Variants in NNT observed in about 807,000 individuals in gnomAD.
NNT encodes nicotinamide nucleotide transhydrogenase.
In NNT, 50 loss-of-function variants were observed where a neutral mutation model predicts 104.8. The ratio of observed to expected loss-of-function variants is 0.48; its 90% CI spans 0.38 to 0.60. The LOEUF (loss-of-function observed/expected upper bound fraction) is 0.60, where lower values mean the gene tolerates loss of function less well. Among genes scored for constraint, NNT ranks in the 20% least tolerant of loss-of-function variants. The pLI, the probability that NNT is intolerant of heterozygous loss-of-function variation, is 0.00. For synonymous variants in NNT, 461 were observed against 490.4 expected, an observed-to-expected ratio of 0.94 and a Z score of 0.79; for missense variants, 1,131 against 1,330.7, an observed-to-expected ratio of 0.85 and a Z score of 2.33.
At chr5:43,620,457 T>C (rs570762676) in intron 5 of NNT, among the ~76,000 whole-genome samples, 1 of 152,136 alleles carries the variant, frequency 6.6e-6, no homozygotes, top group South Asian at 2.1e-4. Flanking sequence ...CTTGACCTTG[T>C]GATCCGCCCG....
intron 19 of NNT, among the ~76,000 whole-genome samples, chr5:43,690,078 T>G (rs760394757): frequency 6.6e-6 from 1 of 151,908 alleles, no homozygotes; most frequent in African/African-American, 2.4e-5. Flanking sequence ...AATCTAGAAA[T>G]TTGGAAAACA....
At position 43,680,593 on chromosome 5, in the gene NNT, C is replaced by T. The variant is rs1174659172; in HGVS notation, c.2876+2787C>T. On this transcript the variant is annotated intron_variant, in intron 19 of 21. Coordinates refer to ENST00000344920, the MANE Select transcript of NNT (RefSeq NM_182977.3). ...CAAGTGGTGCCAAGAAAAATCGCAT[C>T]TGTCATACAGTCTGTCTGGCTTCAT... Among the ~76,000 whole-genome samples, 3 of 152,200 alleles carry T rather than the reference C, an allele frequency of 2.0e-5. No individual in the cohort carries two copies. In the East Asian group the frequency reaches 5.8e-4, roughly 29 times the overall value.
chr5:43,645,242 A>G, intron 9 of NNT, 115 bp from the exon 10 acceptor site: 1 of 502,834 alleles, frequency 2.0e-6, no homozygotes, highest in African/African-American at 2.0e-5. Context: ...GAATTTATAT[A>G]TTTACATAAA....
At chr5:43,634,322 G>A (rs1750826869) in intron 7 of NNT, among the ~76,000 whole-genome samples, 1 of 152,148 alleles carries the variant, frequency 6.6e-6, no homozygotes, top group Non-Finnish European at 1.5e-5. Flanking sequence ...ACTTTCCATA[G>A]TAATTGTTGA....
intron 3 of NNT, chr5:43,613,622 C>A (rs1749621576): frequency 6.5e-6 from 1 of 152,816 alleles, no homozygotes; most frequent in Non-Finnish European, 1.5e-5. Context: ...TGGCGAGTAG[C>A]TTTACCTACT....
intron 19 of NNT, among the ~76,000 whole-genome samples, chr5:43,688,907 C>G (rs1742119600): frequency 1.3e-5 from 2 of 152,286 alleles, no homozygotes; most frequent in South Asian, 4.1e-4. Context: ...GGGTAGATAC[C>G]TAGCAGTGGG....
In NNT at chr5:43,705,495, T is replaced by C. The variant is rs932572547; in HGVS notation, c.*1091T>C. ...TAAAGATCATGTCTTTTTATAGAAG[T>C]GTAGATTTTCTTTGTGACTTTGCTA... On this transcript the variant is annotated 3_prime_UTR_variant, in exon 22 of 22. Coordinates refer to ENST00000344920, the MANE Select transcript of NNT (RefSeq NM_182977.3). The C allele has an allele frequency of 2.0e-5, 3 of 152,030 alleles. No individual in the cohort carries two copies. Among genetic ancestry groups the C allele is most frequent in the South Asian group, 2.1e-4 (1 of 4,828 alleles). 9.4% of individuals were successfully genotyped at this position (152,030 alleles called of 1,614,324 possible).
rs113387674 is a variant in NNT at position 43,606,801 on chromosome 5, C to G, written c.-53-2342C>G. 4.8e-3 allele frequency among the ~76,000 whole-genome samples: 731 copies of G among 152,218 alleles called. 5 individuals carry two copies. Among genetic ancestry groups the G allele is most frequent in the African/African-American group, 0.016 (657 of 41,516 alleles). ...TTGACTTCTTATCTCCAGGAAAATT[C>G]CAGTTTGATTCTACAAGTGCTTCTT... On this transcript the variant is annotated intron_variant, in intron 1 of 21. Transcript: ENST00000344920.
chr5:43,706,972 G>A lies in NNT; in HGVS notation c.*2568G>A, dbSNP rs1743110099. 1 of 152,292 alleles carries A rather than the reference G, an allele frequency of 6.6e-6. No individual in the cohort carries two copies. The highest frequency in any genetic ancestry group is 1.5e-5 in the Non-Finnish European group (1 of 68,134). The allele number at this position is 152,292 out of a possible 1,614,324, so 9.4% of individuals were successfully genotyped here. On this transcript the variant is annotated 3_prime_UTR_variant, in exon 22 of 22. Coordinates refer to ENST00000344920, the MANE Select transcript of NNT (RefSeq NM_182977.3). ...ACACCACACACCAGGGCCTGTCATG[G>A]GGTGGGGGGAGTGGGGAGGGATAGC... is the stretch of plus-strand genomic sequence containing the variant.
intron 7 of NNT, among the ~76,000 whole-genome samples, chr5:43,642,113 ATG>A (rs764156299): frequency 5.4e-4 from 83 of 152,338 alleles, no homozygotes; most frequent in Non-Finnish European, 7.2e-4. Flanking sequence ...CAAATCAAAT[ATG>A]TGCAATCATT....
chr5:43,693,126 C>T (rs149371069), intron 19 of NNT, among the ~76,000 whole-genome samples: 14 of 151,846 alleles, frequency 9.2e-5, no homozygotes, highest in African/African-American at 3.1e-4. Context: ...CTATCTCCAC[C>T]GTAGAAGACA....
At chr5:43,683,296 G>A (rs529425685) in intron 19 of NNT, among the ~76,000 whole-genome samples, 8 of 152,318 alleles carry the variant, frequency 5.3e-5, no homozygotes, top group Admixed American at 3.9e-4. Flanking sequence ...CAGATCAAAG[G>A]TGTCTGTTAT....
chr5:43,602,756 A>G (rs1748990704), upstream of NNT: 3 of 152,252 alleles, frequency 2.0e-5, no homozygotes, highest in African/African-American at 7.2e-5. Flanking sequence ...AAAGGCAGGT[A>G]CCCGGAGTGG....
At chr5:43,687,782 A>G (rs992442152) in intron 19 of NNT, among the ~76,000 whole-genome samples, 1 of 152,168 alleles carries the variant, frequency 6.6e-6, no homozygotes, top group Admixed American at 6.5e-5. Context: ...CAACAAAAAC[A>G]TTGTCTTTAT....
In NNT at chr5:43,651,815, C is replaced by T; in HGVS notation, c.1794C>T (p.Tyr598=). The T allele has an allele frequency of 6.2e-7, 1 of 1,614,122 alleles. No individual in the cohort carries two copies. The highest frequency in any genetic ancestry group is 8.5e-7 in the Non-Finnish European group (1 of 1,180,024). ...PTDPPEYNYL[Y]LLPAGTFVGG... ...ACCCCCCAGAATACAACTACCTGTA[C>T]CTGCTCCCTGCCGGCACCTTTGTTG... The change falls in exon 13 of 22, where the codon TAC becomes TAT. Residue 598 remains tyrosine, a synonymous_variant. Transcript: ENST00000344920.
chr5:43,628,295 A>G lies in NNT; in HGVS notation c.872A>G (p.Glu291Gly), dbSNP rs770709184. 3.1e-6 allele frequency: 5 copies of G among 1,613,950 alleles called. No homozygotes were observed. The highest frequency in any genetic ancestry group is 2.5e-6 in the Non-Finnish European group (3 of 1,179,974). The change falls in exon 7 of 22, where the codon GAG becomes GGG. Residue 291 changes from glutamate (E) to glycine (G), a missense_variant. Physicochemically the swap from Glu to Gly is moderately conservative, Grantham distance 98. Coordinates refer to ENST00000344920, the MANE Select transcript of NNT (RefSeq NM_182977.3). Reference protein sequence around the residue: ...SGEGQGGYAKEMSKEFIEAEM... With the variant: ...SGEGQGGYAKGMSKEFIEAEM... ...GAGGGACAAGGAGGATATGCAAAAG[A>G]GATGTCCAAAGAGTTCATTGAAGCT...
At chr5:43,664,685 C>T (rs754805568) in intron 17 of NNT, among the ~76,000 whole-genome samples, 8 of 151,978 alleles carry the variant, frequency 5.3e-5, no homozygotes, top group Non-Finnish European at 8.8e-5. Context: ...ACTGTTCAAT[C>T]TCTGGAACAG....
At chr5:43,670,279 C>T (rs974428457) in intron 17 of NNT, among the ~76,000 whole-genome samples, 4 of 152,050 alleles carry the variant, frequency 2.6e-5, no homozygotes, top group Admixed American at 6.5e-5. Flanking sequence ...TTGACTATCT[C>T]CTCCAGTTCT....
intron 19 of NNT, among the ~76,000 whole-genome samples, chr5:43,688,343 A>T (rs1742090271): frequency 6.6e-6 from 1 of 152,168 alleles, no homozygotes; most frequent in Non-Finnish European, 1.5e-5. Context: ...CCAAGGAAAG[A>T]GGGAAGACTG....
Sources: allele counts gnomAD v4.1 joint callset (sites outside exome capture counted in the v4.1 genomes callset), GRCh38; gene constraint gnomAD v4.1.1; transcripts MANE v1.5; gene names NCBI Gene and HGNC (gene_info 2026-07-23, HGNC 2026-07-21).